Variants in SCMH1 observed in about 807,000 individuals in gnomAD.
The protein encoded by SCMH1 is polycomb protein SCMH1.
In SCMH1, 37 loss-of-function variants were observed where a neutral mutation model predicts 70.8. The ratio of observed to expected loss-of-function variants is 0.52; its 90% CI spans 0.40 to 0.69. The LOEUF (loss-of-function observed/expected upper bound fraction) is 0.69, where lower values mean the gene tolerates loss of function less well. Ranked by LOEUF, SCMH1 falls within the 30% of genes least tolerant of loss-of-function variation. The pLI, the probability that SCMH1 is intolerant of heterozygous loss-of-function variation, is 0.00. For missense variants in SCMH1, 607 were observed against 827.3 expected (o/e 0.73, Z 3.27); for synonymous variants, 292 against 307.4 (o/e 0.95, Z 0.52).
intron 8 of SCMH1, among the ~76,000 whole-genome samples, chr1:41,091,618 T>C (rs1437628130): frequency 1.3e-5 from 2 of 152,162 alleles, no homozygotes; most frequent in African/African-American, 2.4e-5. Context: ...GATGACATGA[T>C]TGTATATTTA....
intron 1 of SCMH1, among the ~76,000 whole-genome samples, chr1:41,189,756 T>A (rs533466304): frequency 6.6e-6 from 1 of 152,236 alleles, no homozygotes; most frequent in Non-Finnish European, 1.5e-5. Flanking sequence ...AACACCAGTA[T>A]TTCCTTTAAC....
chr1:41,072,432 T>A (rs1427758281), intron 9 of SCMH1, among the ~76,000 whole-genome samples: 2 of 152,186 alleles, frequency 1.3e-5, no homozygotes, highest in Non-Finnish European at 2.9e-5. Context: ...ATTTTACAGG[T>A]GAGAAAATGG....
At position 41,082,359 on chromosome 1, in the gene SCMH1, C is replaced by T. The variant is rs565431134; in HGVS notation, c.746-6908G>A. ...AAAGGGAAGCCCATCAGACTAACAG[C>T]GGATCTCTCGGCAGAAACTCCACAA... On this transcript the variant is annotated intron_variant, in intron 8 of 14. Transcript: ENST00000337495. Among the ~76,000 whole-genome samples, 789 of 152,208 alleles carry T rather than the reference C, an allele frequency of 5.2e-3. 11 individuals carry two copies. The highest frequency in any genetic ancestry group is 0.017 in the African/African-American group (718 of 41,540).
intron 9 of SCMH1, among the ~76,000 whole-genome samples, chr1:41,074,072 CTTTT>C (rs532510799): frequency 2.3e-5 from 3 of 128,460 alleles, no homozygotes; most frequent in African/African-American, 2.9e-5. Context: ...TGACAGAAGT[CTTTT>C]TTTTTTTTTT....
At chr1:41,175,965 A>G (rs1034637547) in intron 2 of SCMH1, among the ~76,000 whole-genome samples, 7 of 151,964 alleles carry the variant, frequency 4.6e-5, no homozygotes, top group Admixed American at 1.3e-4. Flanking sequence ...AATTAAATAT[A>G]CAATATATAT....
chr1:41,125,055 T>C (rs1460775773), intron 6 of SCMH1, among the ~76,000 whole-genome samples: 1 of 152,216 alleles, frequency 6.6e-6, no homozygotes, highest in Non-Finnish European at 1.5e-5. Context: ...TTCACTGTAA[T>C]TTCCCTTTGT....
At chr1:41,112,558 T>C (rs991451017) in intron 8 of SCMH1, among the ~76,000 whole-genome samples, 5 of 152,100 alleles carry the variant, frequency 3.3e-5, no homozygotes, top group East Asian at 1.9e-4. Flanking sequence ...AATGATAATA[T>C]AGCATATTGT....
chr1:41,190,085 G>C (rs1056660224), intron 1 of SCMH1, among the ~76,000 whole-genome samples: 2 of 152,206 alleles, frequency 1.3e-5, no homozygotes. Flanking sequence ...GACGATGACA[G>C]TCCTGGATGC....
At chr1:41,119,850 T>G in intron 6 of SCMH1, among the ~76,000 whole-genome samples, 1 of 152,196 alleles carries the variant, frequency 6.6e-6, no homozygotes, top group Non-Finnish European at 1.5e-5. Context: ...TCCTGCCTCC[T>G]CCTTTTTTCC....
intron 1 of SCMH1, among the ~76,000 whole-genome samples, chr1:41,234,441 G>A (rs1217880401): frequency 1.4e-5 from 2 of 146,582 alleles, no homozygotes; most frequent in East Asian, 4.1e-4. Context: ...GGGCAACGGA[G>A]CAACTCTGCC....
chr1:41,155,538 G>C (rs1214869650), intron 4 of SCMH1, among the ~76,000 whole-genome samples: 1 of 149,904 alleles, frequency 6.7e-6, no homozygotes. Context: ...AAACAAATAC[G>C]TCAGCTGGTC....
intron 8 of SCMH1, among the ~76,000 whole-genome samples, chr1:41,089,785 C>CCCTTTTTTT (rs1662794843): frequency 2.7e-5 from 1 of 37,320 alleles, no homozygotes. Context: ...ACCATGTTGT[C>CCCTTTTTTT]TCTTTTTTTT....
chr1:41,046,708 G>A lies in SCMH1; in HGVS notation c.1307-110C>T, dbSNP rs537770088. On this transcript the variant is annotated intron_variant, in intron 11 of 14. Transcript: ENST00000337495. ...TCTCAGGCTTACCTGGTTACACAAA[G>A]GGAATCAGTGCCCCACGTTTCCTCC... 9.7e-6 allele frequency: 8 copies of A among 827,164 alleles called. No individual in the cohort carries two copies. The Admixed American group carries it at 1.5e-4, about 15-fold the overall frequency. 51.2% of individuals were successfully genotyped at this position (827,164 alleles called of 1,614,324 possible). A position where few individuals can be genotyped will look rare whatever the true frequency, so the allele number is the denominator to read the frequency against.
chr1:41,121,478 A>G (rs777079331), intron 6 of SCMH1, among the ~76,000 whole-genome samples: 2 of 152,206 alleles, frequency 1.3e-5, no homozygotes, highest in Non-Finnish European at 2.9e-5. Flanking sequence ...AGATGAAAAC[A>G]GTAATTTGAG....
rs1669788478 is a variant in SCMH1, at chr1:41,113,781, C to T, written c.502-255G>A. On this transcript the variant is annotated intron_variant, in intron 7 of 14. Coordinates refer to ENST00000337495, the Ensembl canonical transcript of SCMH1. This position sits in a 1 kb window ranked among gnomAD's most constrained non-coding sequence, Gnocchi z 4.3. The stretch of plus-strand genomic sequence containing the variant: ...AAAGGTTGCAGATAAAGTTGAATCT[C>T]CCTTTCTGCCCTTCCCATATTCCAT... 6.6e-6 allele frequency among the ~76,000 whole-genome samples: 1 copy of T among 152,114 alleles called. No homozygotes were observed. Among genetic ancestry groups the T allele is most frequent in the African/African-American group, 2.4e-5 (1 of 41,406 alleles).
At chr1:41,187,716 G>A (rs1280564379) in intron 1 of SCMH1, among the ~76,000 whole-genome samples, 6 of 151,112 alleles carry the variant, frequency 4.0e-5, no homozygotes, top group Non-Finnish European at 7.4e-5. Context: ...GGGGGGAATC[G>A]CCTGAACTCA....
chr1:41,236,475 A>C (rs1662403145), intron 1 of SCMH1, among the ~76,000 whole-genome samples: 1 of 152,220 alleles, frequency 6.6e-6, no homozygotes, highest in Non-Finnish European at 1.5e-5. Flanking sequence ...GAAGGAGCAA[A>C]AAAGCAGGGC....
At chr1:41,182,442 T>C (rs771161225) in intron 2 of SCMH1, among the ~76,000 whole-genome samples, 30 of 152,182 alleles carry the variant, frequency 2.0e-4, no homozygotes, top group South Asian at 4.2e-4. Flanking sequence ...GTTCAAAAAG[T>C]TCGGTGGCCC....
At chr1:41,179,464 C>A (rs1648036920) in intron 2 of SCMH1, among the ~76,000 whole-genome samples, 2 of 152,040 alleles carry the variant, frequency 1.3e-5, no homozygotes, top group Admixed American at 1.3e-4. Flanking sequence ...AATTGACAGA[C>A]CGCTAGCAAG....
Sources: allele counts gnomAD v4.1 joint callset (sites outside exome capture counted in the v4.1 genomes callset), GRCh38; gene constraint gnomAD v4.1.1; non-coding constraint Gnocchi (gnomAD v3.1); transcripts MANE v1.5; gene names NCBI Gene and HGNC (gene_info 2026-07-23, HGNC 2026-07-21).